Variants in ESRRG observed in about 807,000 individuals in gnomAD.
The protein encoded by ESRRG is estrogen-related receptor gamma.
ESRRG carries 13 observed loss-of-function variants against 44.0 expected under a neutral mutation model. The ratio of observed to expected loss-of-function variants is 0.30; its 90% CI spans 0.19 to 0.47. The LOEUF is 0.47. ESRRG is among the 20% of genes least tolerant of loss of function. The pLI is 1.00. For missense variants in ESRRG, 395 were observed against 580.6 expected (o/e 0.68, Z 3.29); for synonymous variants, 215 against 214.6 (o/e 1.00, Z -0.02).
At chr1:216,863,185 C>T (rs2813688) in intron 2 of ESRRG, 119,081 of 151,896 alleles carry the variant, frequency 0.78, 47,671 homozygotes, top group African/African-American at 0.95. Flanking sequence ...GCTTAAGGAT[C>T]TGCATTTCTA....
chr1:216,945,912 C>A (rs141332457), intron 1 of ESRRG, among the ~76,000 whole-genome samples: 1 of 151,822 alleles, frequency 6.6e-6, no homozygotes, highest in Admixed American at 6.6e-5. Context: ...TTTTGGCAGA[C>A]CACAGTTAAG....
At chr1:217,117,114 C>T (rs1480224146) in intron 1 of ESRRG, among the ~76,000 whole-genome samples, 1 of 152,064 alleles carries the variant, frequency 6.6e-6, no homozygotes, top group Non-Finnish European at 1.5e-5. Flanking sequence ...ACTAACTTTG[C>T]AGTTTGTCAT....
intron 2 of ESRRG, among the ~76,000 whole-genome samples, chr1:216,765,946 T>C (rs897949181): frequency 8.5e-5 from 13 of 152,172 alleles, no homozygotes; most frequent in African/African-American, 2.9e-4. Flanking sequence ...CTTTCATTTC[T>C]TGCGACTGAT....
At chr1:216,744,137 T>C (rs1408581644) in intron 2 of ESRRG, among the ~76,000 whole-genome samples, 1 of 152,140 alleles carries the variant, frequency 6.6e-6, no homozygotes, top group Non-Finnish European at 1.5e-5. Context: ...GAGTTCAGTC[T>C]TGGGTGGATA....
At chr1:216,614,680 G>T (rs906201608) in intron 3 of ESRRG, among the ~76,000 whole-genome samples, 1 of 152,196 alleles carries the variant, frequency 6.6e-6, no homozygotes, top group African/African-American at 2.4e-5. Flanking sequence ...AAGTGTTCCT[G>T]TTGAGAAGAG....
rs77886271 is a variant in ESRRG, at chr1:217,086,885, T to C, written c.-106+2622A>G. ...ATACTTTAACCTCCTTGGATATGAT[T>C]TGTTTTGCATCTAACAGAGTCAAAC... On this transcript the variant is annotated intron_variant, in intron 1 of 7. Coordinates refer to the ESRRG transcript ENST00000359162. Among the ~76,000 whole-genome samples the C allele has an allele frequency of 5.3e-3, 807 of 152,058 alleles. 8 individuals are homozygous for C. The highest frequency in any genetic ancestry group is 0.019 in the African/African-American group (775 of 41,572).
chr1:217,013,210 A>G (rs974893356), intron 1 of ESRRG, among the ~76,000 whole-genome samples: 1 of 152,212 alleles, frequency 6.6e-6, no homozygotes, highest in Non-Finnish European at 1.5e-5. Flanking sequence ...GGAGTATACA[A>G]TTCAACCCAT....
rs575490903 is a variant in ESRRG, at chr1:217,085,553, C to A, written c.-106+3954G>T. On this transcript the variant is annotated intron_variant, in intron 1 of 7. Transcript: ENST00000359162. ...GTCCCCAGGCTGAAGTGCAGTGGCG[C>A]CATCTCGGCTGACTGCTATCTCTAC... is the stretch of plus-strand genomic sequence containing the variant. Among the ~76,000 whole-genome samples, 12 of 133,842 alleles carry A rather than the reference C, an allele frequency of 9.0e-5. No individual in the cohort carries two copies. In the South Asian group the frequency reaches 3.1e-3, roughly 35 times the overall value. 87.8% of individuals were successfully genotyped at this position (133,842 alleles called of 152,430 possible).
intron 2 of ESRRG, among the ~76,000 whole-genome samples, chr1:216,800,520 C>T (rs766419712): frequency 2.0e-5 from 3 of 152,082 alleles, no homozygotes; most frequent in Non-Finnish European, 2.9e-5. Flanking sequence ...TTAAAAGGCA[C>T]GAAAGCATCC....
rs576163918 is a variant in ESRRG at position 216,506,822 on chromosome 1, A to C, written c.*117T>G. On this transcript the variant is annotated 3_prime_UTR_variant, in exon 7 of 7. Transcript: ENST00000408911. ...TTCATAGTCTTGCTGCTAAATTATC[A>C]GTGCAGTCTGTTGATTTTTGATGTT... is the stretch of plus-strand genomic sequence containing the variant. 6.3e-6 allele frequency: 7 copies of C among 1,114,918 alleles called. No individual in the cohort carries two copies. In the South Asian group the frequency reaches 1.1e-4, roughly 18 times the overall value. 69.1% of individuals were successfully genotyped at this position (1,114,918 alleles called of 1,614,324 possible). A position where few individuals can be genotyped will look rare whatever the true frequency, so the allele number is the denominator to read the frequency against.
chr1:216,831,815 G>A (rs938629090), intron 2 of ESRRG, among the ~76,000 whole-genome samples: 1 of 151,544 alleles, frequency 6.6e-6, no homozygotes, highest in African/African-American at 2.4e-5. Context: ...CAGAAATGGG[G>A]TGAAAATAAA....
At chr1:216,825,771 T>C (rs1041175833) in intron 2 of ESRRG, among the ~76,000 whole-genome samples, 1 of 152,164 alleles carries the variant, frequency 6.6e-6, no homozygotes, top group African/African-American at 2.4e-5. Flanking sequence ...CATGATTCCT[T>C]AGCATTAGCA....
intron 2 of ESRRG, among the ~76,000 whole-genome samples, chr1:216,788,556 A>G (rs898529733): frequency 6.6e-6 from 1 of 152,158 alleles, no homozygotes; most frequent in African/African-American, 2.4e-5. Context: ...GGTCTGATGG[A>G]GATGGACAAG....
chr1:216,876,084 G>A (rs2096347517), intron 2 of ESRRG, among the ~76,000 whole-genome samples: 1 of 151,982 alleles, frequency 6.6e-6, no homozygotes, highest in African/African-American at 2.4e-5. Context: ...TAAAGCTGAA[G>A]GCATAGAAGA....
intron 1 of ESRRG, among the ~76,000 whole-genome samples, chr1:217,133,605 T>TTTTCTTTCTTTC (rs750071673): frequency 4.1e-4 from 40 of 98,462 alleles, no homozygotes; most frequent in South Asian, 1.2e-3. Flanking sequence ...TGTTTTCCTT[T>TTTTCTTTCTTTC]TTTCTTTCTT....
intron 1 of ESRRG, among the ~76,000 whole-genome samples, chr1:217,069,994 T>C (rs1358461042): frequency 6.6e-6 from 1 of 152,220 alleles, no homozygotes; most frequent in Non-Finnish European, 1.5e-5. Context: ...ACCCTCATTA[T>C]ATACAAAGAT....
intron 1 of ESRRG, among the ~76,000 whole-genome samples, chr1:216,979,036 GCT>G (rs1196421749): frequency 6.6e-6 from 1 of 152,026 alleles, no homozygotes; most frequent in East Asian, 1.9e-4. Context: ...TTTGCTCCAT[GCT>G]CTCTCTCCCT....
chr1:216,523,637 C>T (rs2046784624), intron 5 of ESRRG, among the ~76,000 whole-genome samples: 2 of 151,968 alleles, frequency 1.3e-5, no homozygotes, highest in African/African-American at 4.8e-5. Context: ...TTTCAGAAAG[C>T]ATAAATGTTT....
At chr1:216,794,896 G>A (rs2094433236) in intron 2 of ESRRG, among the ~76,000 whole-genome samples, 1 of 152,128 alleles carries the variant, frequency 6.6e-6, no homozygotes, top group Admixed American at 6.6e-5. Flanking sequence ...TCTCTTCAGG[G>A]AAAGAAAAGA....
Sources: gnomAD v4.1 joint callset for allele counts (sites outside exome capture counted in the v4.1 genomes callset) on GRCh38, gnomAD v4.1.1 for gene constraint, MANE v1.5 for transcripts, NCBI Gene and HGNC (gene_info 2026-07-23, HGNC 2026-07-21) for gene names.